GJC1: variants seen among roughly 807,000 people sequenced by gnomAD.
GJC1 encodes gap junction gamma-1 protein.
GJC1 carries 5 observed loss-of-function variants against 29.3 expected under a neutral mutation model. The observed-to-expected ratio is 0.17, with a 90% CI of 0.09 to 0.36. The LOEUF is 0.36. GJC1 is among the 10% of genes least tolerant of loss of function. The pLI is 1.00. For synonymous variants in GJC1, 177 were observed against 183.3 expected, an observed-to-expected ratio of 0.97 and a Z score of 0.28; for missense variants, 310 against 496.2, an observed-to-expected ratio of 0.62 and a Z score of 3.56.
intron 2 of GJC1, among the ~76,000 whole-genome samples, chr17:44,806,256 A>G (rs1324876686): frequency 6.6e-6 from 1 of 152,118 alleles, no homozygotes; most frequent in African/African-American, 2.4e-5. Flanking sequence ...ACTATCTTCA[A>G]GAAGGTCAAT....
chr17:44,812,694 C>A (rs929109003), intron 1 of GJC1, among the ~76,000 whole-genome samples: 2 of 151,870 alleles, frequency 1.3e-5, no homozygotes, highest in African/African-American at 2.4e-5. Flanking sequence ...GTCGCCCAGG[C>A]TGGAGTGCAG....
chr17:44,814,312 T>C (rs2050017640), intron 1 of GJC1, among the ~76,000 whole-genome samples: 2 of 151,782 alleles, frequency 1.3e-5, no homozygotes, highest in Admixed American at 6.6e-5. Context: ...GGCTAATTTT[T>C]TTCATTTTTA....
Position 44,801,887 on chromosome 17 carries a change from G to T in GJC1, c.*2740C>A, listed in dbSNP as rs1042298519. ...CCTAAAGTGCTGGGATTACAGGTGT[G>T]AGCCACCGCGCCTGGCCCATTTTCT... On this transcript the variant is annotated 3_prime_UTR_variant, in exon 3 of 3. Coordinates refer to ENST00000592524, the MANE Select transcript of GJC1 (RefSeq NM_005497.4). The T allele has an allele frequency of 1.3e-5, 2 of 152,156 alleles. No individual in the cohort carries two copies. Among genetic ancestry groups the T allele is most frequent in the African/African-American group, 4.8e-5 (2 of 41,426 alleles). 9.4% of individuals were successfully genotyped at this position (152,156 alleles called of 1,614,324 possible).
intron 1 of GJC1, among the ~76,000 whole-genome samples, chr17:44,812,880 C>CTCA (rs1252309686): frequency 1.3e-5 from 2 of 152,086 alleles, no homozygotes; most frequent in African/African-American, 4.8e-5. Context: ...ATCTCCTGAC[C>CTCA]TCATGTTCTG....
At chr17:44,825,754 G>T (rs1399846811) in intron 1 of GJC1, among the ~76,000 whole-genome samples, 1 of 149,372 alleles carries the variant, frequency 6.7e-6, no homozygotes, top group Non-Finnish European at 1.5e-5. Flanking sequence ...CACCCTGGGT[G>T]AAAGAGTGAG....
At chr17:44,812,089 T>G (rs936681203) in intron 1 of GJC1, among the ~76,000 whole-genome samples, 2 of 151,776 alleles carry the variant, frequency 1.3e-5, no homozygotes, top group East Asian at 1.9e-4. Flanking sequence ...CCAAGGCGGA[T>G]GGATCACGAG....
At position 44,804,196 on chromosome 17, in the gene GJC1, ATAGCAC is replaced by A. The variant is rs959233586; in HGVS notation, c.*425_*430del. 6.4e-6 allele frequency: 1 copy of A among 156,116 alleles called. No homozygotes were observed. Among genetic ancestry groups the A allele is most frequent in the African/African-American group, 2.4e-5 (1 of 41,504 alleles). 9.7% of individuals were successfully genotyped at this position (156,116 alleles called of 1,614,324 possible). On this transcript the variant is annotated 3_prime_UTR_variant, in exon 3 of 3. Coordinates refer to ENST00000592524, the MANE Select transcript of GJC1 (RefSeq NM_005497.4). The stretch of plus-strand genomic sequence containing the variant: ...AGGGTAGAATTTGCTGAACAAAGTA[ATAGCAC>A]TAGCCTAATAGGCATTATTTATAAG...
chr17:44,812,845 C>G (rs1469417302), intron 1 of GJC1, among the ~76,000 whole-genome samples: 3 of 151,610 alleles, frequency 2.0e-5, no homozygotes, highest in African/African-American at 7.3e-5. Context: ...GACAGGGTTT[C>G]ACCACATTAA....
At chr17:44,813,325 G>T (rs1341149659) in intron 1 of GJC1, 2 of 151,832 alleles carry the variant, frequency 1.3e-5, no homozygotes, top group African/African-American at 4.8e-5. Flanking sequence ...CCCAAATGCT[G>T]GGATTACAGG....
chr17:44,818,673 T>A (rs9899822), intron 1 of GJC1, among the ~76,000 whole-genome samples: 4,966 of 152,024 alleles, frequency 0.033, 165 homozygotes, highest in African/African-American at 0.068. Flanking sequence ...TGGGCTACTG[T>A]AATCCCAGCT....
upstream of GJC1, chr17:44,830,779 G>C: frequency 2.5e-6 from 1 of 398,484 alleles, no homozygotes; most frequent in Non-Finnish European, 4.4e-6. The surrounding 1 kb of genome is among the most constrained non-coding windows in gnomAD (Gnocchi z 4.3). Flanking sequence ...CGGGCCCTGC[G>C]TGGATCTAGC....
At chr17:44,806,457 T>C (rs944822486) in intron 2 of GJC1, among the ~76,000 whole-genome samples, 6 of 148,684 alleles carry the variant, frequency 4.0e-5, no homozygotes, top group African/African-American at 1.0e-4. Flanking sequence ...TGCAGTGCAG[T>C]GGCGTGATCT....
downstream of GJC1, among the ~76,000 whole-genome samples, chr17:44,796,392 G>A (rs2049783440): frequency 1.3e-5 from 2 of 152,110 alleles, 1 homozygote; most frequent in South Asian, 4.1e-4. Flanking sequence ...TAGATTATTT[G>A]GCTGAACCCA....
At chr17:44,796,256 C>T (rs1363821315), downstream of GJC1, among the ~76,000 whole-genome samples, 4 of 152,184 alleles carry the variant, frequency 2.6e-5, no homozygotes, top group Admixed American at 6.5e-5. Flanking sequence ...CCTTCCATAT[C>T]ATTTAAAGGG....
At chr17:44,820,433 CCATTT>C (rs2145354482) in intron 1 of GJC1, among the ~76,000 whole-genome samples, 1 of 152,252 alleles carries the variant, frequency 6.6e-6, no homozygotes, top group East Asian at 1.9e-4. Context: ...AAAATCTCTT[CCATTT>C]AACATTTGAT....
At chr17:44,811,163 C>A (rs1341722490) in intron 1 of GJC1, among the ~76,000 whole-genome samples, 1 of 152,032 alleles carries the variant, frequency 6.6e-6, no homozygotes, top group Non-Finnish European at 1.5e-5. Flanking sequence ...CTCACTGCAA[C>A]CTCCGCCTCC....
At chr17:44,808,352 A>T (rs1368949799) in intron 1 of GJC1, among the ~76,000 whole-genome samples, 2 of 151,990 alleles carry the variant, frequency 1.3e-5, no homozygotes, top group Non-Finnish European at 2.9e-5. Context: ...TCCAAATTTT[A>T]AAAAAATTAG....
At chr17:44,794,448 C>T (rs2145270693), downstream of GJC1, 1 of 152,376 alleles carries the variant, frequency 6.6e-6, no homozygotes, top group Non-Finnish European at 1.5e-5. Flanking sequence ...GAAGCTGAGT[C>T]TGTCCCTTCT....
At chr17:44,827,379 C>T (rs1245623492) in intron 1 of GJC1, among the ~76,000 whole-genome samples, 2 of 152,034 alleles carry the variant, frequency 1.3e-5, no homozygotes, top group South Asian at 2.1e-4. Context: ...TTTTCTTTGC[C>T]TAAATTTTTA....
Sources: allele counts gnomAD v4.1 joint callset (sites outside exome capture counted in the v4.1 genomes callset), GRCh38; gene constraint gnomAD v4.1.1; non-coding constraint Gnocchi (gnomAD v3.1); transcripts MANE v1.5; gene names NCBI Gene and HGNC (gene_info 2026-07-23, HGNC 2026-07-21).